The following SGSM1 variants were observed in gnomAD, a reference collection of about 807,000 sequenced individuals.
The protein encoded by SGSM1 is RUN and TBC1 domain containing 2.
In SGSM1, 73 loss-of-function variants were observed where a neutral mutation model predicts 133.8. The ratio of observed to expected loss-of-function variants is 0.55; its 90% CI spans 0.45 to 0.66. SGSM1 has a LOEUF of 0.66. SGSM1 is among the 30% of genes least tolerant of loss of function. SGSM1 has a pLI of 0.00. For synonymous variants in SGSM1, 563 were observed against 573.0 expected (o/e 0.98, Z 0.25); for missense variants, 1,213 against 1,448.1 (o/e 0.84, Z 2.64).
At chr22:24,832,623 G>A (rs930108029) in intron 2 of SGSM1, among the ~76,000 whole-genome samples, 6 of 152,176 alleles carry the variant, frequency 3.9e-5, no homozygotes, top group Non-Finnish European at 8.8e-5. Context: ...TGGCACACGA[G>A]AAGGGCTTGG....
intron 22 of SGSM1, among the ~76,000 whole-genome samples, chr22:24,917,085 G>A (rs941924075): frequency 2.8e-5 from 4 of 145,098 alleles, no homozygotes; most frequent in Non-Finnish European, 4.5e-5. Flanking sequence ...TAGAGACAGG[G>A]TCTTGCTATG....
intron 16 of SGSM1, among the ~76,000 whole-genome samples, chr22:24,887,712 G>C (rs1932697989): frequency 6.6e-6 from 1 of 152,154 alleles, no homozygotes; most frequent in Admixed American, 6.6e-5. Context: ...GTTCGCTTGA[G>C]CTCATGAGTT....
chr22:24,924,584 G>T lies in SGSM1; in HGVS notation c.*310G>T, dbSNP rs567537168. The T allele has an allele frequency of 4.9e-6, 2 of 407,574 alleles. No homozygotes were observed. The highest frequency in any genetic ancestry group is 9.7e-5 in the East Asian group (2 of 20,714). The allele number at this position is 407,574 out of a possible 1,614,324, so 25.2% of individuals were successfully genotyped here. The stretch of plus-strand genomic sequence containing the variant: ...TCTTTGTTTGCTGGTGCCCGGAATG[G>T]TCTCCTCTTCTTCTTTCCCTATCCC... On this transcript the variant is annotated 3_prime_UTR_variant, in exon 25 of 25. Coordinates refer to ENST00000400358, the MANE Select transcript of SGSM1 (RefSeq NM_001098497.3).
chr22:24,812,521 A>G (rs1569129398), intron 2 of SGSM1, among the ~76,000 whole-genome samples: 2 of 152,256 alleles, frequency 1.3e-5, no homozygotes, highest in Admixed American at 1.3e-4. Context: ...GTCCCTGGAA[A>G]CACAGCTTGG....
chr22:24,909,679 C>G (rs1206555001), intron 21 of SGSM1, among the ~76,000 whole-genome samples: 1 of 152,120 alleles, frequency 6.6e-6, no homozygotes, highest in East Asian at 1.9e-4. Flanking sequence ...TGGTCTCGAA[C>G]TCCTGACCTC....
intron 9 of SGSM1, among the ~76,000 whole-genome samples, chr22:24,866,336 C>T (rs775105040): frequency 2.6e-5 from 4 of 152,168 alleles, no homozygotes; most frequent in Non-Finnish European, 5.9e-5. Flanking sequence ...AACTGAGGCT[C>T]AGAGAAACCC....
intron 3 of SGSM1, among the ~76,000 whole-genome samples, chr22:24,845,959 T>TTCTTTCTTTCTCTCTC (rs1220332151): frequency 6.4e-4 from 67 of 105,036 alleles, no homozygotes; most frequent in African/African-American, 2.1e-3. Context: ...CTTTCTTTCT[T>TTCTTTCTTTCTCTCTC]TCTTTCTTTC....
At chr22:24,875,365 A>G (rs1931978238) in intron 12 of SGSM1, among the ~76,000 whole-genome samples, 1 of 152,220 alleles carries the variant, frequency 6.6e-6, no homozygotes, top group South Asian at 2.1e-4. Context: ...TTATAAATAA[A>G]GTTTATTTTA....
In SGSM1 at chr22:24,898,649, G is replaced by A. The variant is rs780871041; in HGVS notation, c.2610+90G>A. 3.3e-5 allele frequency: 43 copies of A among 1,287,750 alleles called. No homozygotes were observed. In the East Asian group the frequency reaches 4.2e-4, roughly 13 times the overall value. The allele number at this position is 1,287,750 out of a possible 1,614,324, so 79.8% of individuals were successfully genotyped here. A position where few individuals can be genotyped will look rare whatever the true frequency, so the allele number is the denominator to read the frequency against. On this transcript the variant is annotated intron_variant, in intron 19 of 24. Coordinates refer to ENST00000400358, the MANE Select transcript of SGSM1 (RefSeq NM_001098497.3). ...CAAGCCTGTTATCCAGAATGACCCC[G>A]GAGTCAGACCTCTGGTTCGTTGCAT...
intron 9 of SGSM1, among the ~76,000 whole-genome samples, chr22:24,865,242 G>A (rs1420368004): frequency 6.6e-6 from 1 of 152,218 alleles, no homozygotes; most frequent in Non-Finnish European, 1.5e-5. Flanking sequence ...CATTCTGCAG[G>A]TGTTCAGCAC....
At chr22:24,883,021 C>T (rs1444877324) in intron 14 of SGSM1, among the ~76,000 whole-genome samples, 5 of 151,978 alleles carry the variant, frequency 3.3e-5, no homozygotes, top group Admixed American at 6.6e-5. Context: ...CCTCAGCCTC[C>T]GGAGTAGCTG....
chr22:24,923,456 T>A (rs923143841), intron 24 of SGSM1, among the ~76,000 whole-genome samples: 23 of 152,164 alleles, frequency 1.5e-4, no homozygotes, highest in Admixed American at 1.3e-4. Context: ...TTGATAAAAT[T>A]ATTTTTTTCT....
At chr22:24,864,537 C>T (rs903957454) in intron 9 of SGSM1, among the ~76,000 whole-genome samples, 1 of 152,216 alleles carries the variant, frequency 6.6e-6, no homozygotes, top group Admixed American at 6.5e-5. Context: ...ATGGATGAAC[C>T]TCAAAAGCCT....
chr22:24,814,445 G>A (rs1286077452), intron 2 of SGSM1, among the ~76,000 whole-genome samples: 1 of 151,990 alleles, frequency 6.6e-6, no homozygotes, highest in Admixed American at 6.6e-5. Flanking sequence ...GATTGTTGTT[G>A]GTACAGCAAG....
intron 2 of SGSM1, among the ~76,000 whole-genome samples, chr22:24,829,427 A>G (rs996086503): frequency 7.9e-5 from 12 of 152,170 alleles, no homozygotes; most frequent in Non-Finnish European, 1.3e-4. Context: ...TGGCTAATAG[A>G]CTGAGTACCT....
chr22:24,903,816 AC>A lies in SGSM1; in HGVS notation c.2736-1288del, dbSNP rs1478203315. ...GCGAAACCCTGTCTCTACTAAAAAT[AC>A]AAAAATTAGCCAGGTGTGGTGGCAC... is the stretch of plus-strand genomic sequence containing the variant. On this transcript the variant is annotated intron_variant, in intron 20 of 24. Coordinates refer to ENST00000400358, the MANE Select transcript of SGSM1 (RefSeq NM_001098497.3). Among the ~76,000 whole-genome samples the A allele has an allele frequency of 9.9e-5, 15 of 152,184 alleles. 1 individual carries two copies. Among genetic ancestry groups the A allele is most frequent in the Admixed American group, 7.9e-4 (12 of 15,284 alleles).
At chr22:24,914,292 C>CA (rs144720210) in intron 22 of SGSM1, among the ~76,000 whole-genome samples, 1,453 of 95,248 alleles carry the variant, frequency 0.015, 55 homozygotes, top group African/African-American at 0.049. Flanking sequence ...GACTCCATCT[C>CA]AAAAAAAAAA....
rs1321692351 is a variant in SGSM1, at chr22:24,898,068, A to G, written c.2119A>G (p.Thr707Ala). ...KIPNGNLVNGTCSPDSGHPSS... is the reference protein window; with the variant it reads ...KIPNGNLVNGACSPDSGHPSS... ...CCCCAATGGGAACCTAGTGAACGGC[A>G]CTTGTTCCCCAGACTCGGGTCATCC... The change falls in exon 19 of 25, where the codon ACT becomes GCT. Residue 707 changes from threonine (T) to alanine (A), a missense_variant. Thr to Ala is a moderately conservative substitution (Grantham distance 58). Transcript: ENST00000400358. 6.2e-7 allele frequency: 1 copy of G among 1,613,956 alleles called. No homozygotes were observed. Among genetic ancestry groups the G allele is most frequent in the South Asian group, 1.1e-5 (1 of 91,074 alleles).
In SGSM1 at chr22:24,924,642, G is replaced by A. The variant is rs1048025866; in HGVS notation, c.*368G>A. On this transcript the variant is annotated 3_prime_UTR_variant, in exon 25 of 25. Transcript: ENST00000400358. ...TGTCTTGTAAGATGAGACCTGGGGA[G>A]GAAACTTCTTTTTGGAAATTGGTGT... The A allele has an allele frequency of 2.0e-5, 5 of 252,036 alleles. No individual in the cohort carries two copies. The highest frequency in any genetic ancestry group is 6.7e-5 in the African/African-American group (3 of 45,100). 15.6% of individuals were successfully genotyped at this position (252,036 alleles called of 1,614,324 possible). A position where few individuals can be genotyped will look rare whatever the true frequency, so the allele number is the denominator to read the frequency against.
Sources: gnomAD v4.1 joint callset for allele counts (sites outside exome capture counted in the v4.1 genomes callset) on GRCh38, gnomAD v4.1.1 for gene constraint, MANE v1.5 for transcripts, NCBI Gene and HGNC (gene_info 2026-07-23, HGNC 2026-07-21) for gene names.